The following MICU2 variants were observed in gnomAD, a reference collection of about 807,000 sequenced individuals.
MICU2 encodes the protein mitochondrial calcium uptake 2.
MICU2 carries 64 observed loss-of-function variants against 60.4 expected under a neutral mutation model. That is an observed-to-expected ratio of 1.06 (90% CI 0.87 to 1.31). The LOEUF (loss-of-function observed/expected upper bound fraction) is 1.31, where lower values mean the gene tolerates loss of function less well. Ranked by LOEUF, MICU2 falls within the 50% of genes most tolerant of loss-of-function variation. MICU2 has a pLI of 0.00. For synonymous variants in MICU2, 201 were observed against 175.0 expected (o/e 1.15, Z -1.17); for missense variants, 569 against 531.0 (o/e 1.07, Z -0.70).
rs561801933 is a variant in MICU2, at chr13:21,551,898, G to A, written c.359-12210C>T. Among the ~76,000 whole-genome samples the A allele has an allele frequency of 2.0e-5, 3 of 152,150 alleles. No individual in the cohort carries two copies. The South Asian group carries it at 6.2e-4, about 32-fold the overall frequency. ...GAATAGTGCCGCAGTAAACATACGT[G>A]TGCATGTGTCTTTATAGCAGCATGA... On this transcript the variant is annotated intron_variant, in intron 2 of 11. Transcript: ENST00000382374.
intron 7 of MICU2, among the ~76,000 whole-genome samples, chr13:21,513,139 T>G (rs1274354137): frequency 6.6e-6 from 1 of 152,198 alleles, no homozygotes; most frequent in Non-Finnish European, 1.5e-5. Flanking sequence ...TGTGATTTTT[T>G]TTTTGCAGAT....
chr13:21,587,566 G>C (rs562364626), intron 1 of MICU2, among the ~76,000 whole-genome samples: 1 of 152,186 alleles, frequency 6.6e-6, no homozygotes, highest in Admixed American at 6.5e-5. Flanking sequence ...CTCAATGATA[G>C]GTGAAAATGC....
At chr13:21,536,284 T>G (rs572680168) in intron 4 of MICU2, among the ~76,000 whole-genome samples, 25 of 152,288 alleles carry the variant, frequency 1.6e-4, no homozygotes, top group Admixed American at 1.2e-3. Flanking sequence ...CTTTGTCATA[T>G]TTTTCTTCTC....
intron 8 of MICU2, among the ~76,000 whole-genome samples, chr13:21,503,340 C>T (rs1408951001): frequency 6.6e-6 from 1 of 152,120 alleles, no homozygotes; most frequent in East Asian, 1.9e-4. Context: ...GTAAGTTATA[C>T]CTGGCAACCT....
chr13:21,565,910 T>C (rs1477446631), intron 2 of MICU2, among the ~76,000 whole-genome samples: 1 of 152,210 alleles, frequency 6.6e-6, no homozygotes, highest in Non-Finnish European at 1.5e-5. Flanking sequence ...CATTCATCCC[T>C]GCCAAATACC....
intron 1 of MICU2, among the ~76,000 whole-genome samples, chr13:21,584,548 T>G (rs536413901): frequency 6.6e-5 from 10 of 152,302 alleles, no homozygotes; most frequent in African/African-American, 2.4e-4. Flanking sequence ...TTATAACACC[T>G]TATTTCCTTA....
chr13:21,595,104 C>T (rs1252128591), intron 1 of MICU2, among the ~76,000 whole-genome samples: 1 of 151,970 alleles, frequency 6.6e-6, no homozygotes, highest in African/African-American at 2.4e-5. Flanking sequence ...AAATCTTTAC[C>T]CTGTACCATT....
At chr13:21,589,340 C>T (rs1015132270) in intron 1 of MICU2, among the ~76,000 whole-genome samples, 2 of 152,188 alleles carry the variant, frequency 1.3e-5, no homozygotes, top group African/African-American at 4.8e-5. Flanking sequence ...TACCATACAT[C>T]CGTAGGTTGG....
intron 4 of MICU2, among the ~76,000 whole-genome samples, chr13:21,526,601 G>C (rs953210240): frequency 6.6e-6 from 1 of 151,984 alleles, no homozygotes; most frequent in Non-Finnish European, 1.5e-5. Context: ...AGTTACAAAA[G>C]TTTAGAAAAA....
chr13:21,556,740 C>G (rs535879675), intron 2 of MICU2, among the ~76,000 whole-genome samples: 1 of 151,776 alleles, frequency 6.6e-6, no homozygotes, highest in South Asian at 2.1e-4. Flanking sequence ...TAGCTTATGG[C>G]CTTAATTTGC....
At chr13:21,566,734 A>G in intron 2 of MICU2, 63 bp downstream of exon 2, 1 of 1,364,484 alleles carries the variant, frequency 7.3e-7, no homozygotes, top group Non-Finnish European at 9.9e-7. Flanking sequence ...CAATCCTGAA[A>G]AACAGGTTTT....
chr13:21,514,143 C>A (rs1022138386), intron 7 of MICU2, among the ~76,000 whole-genome samples: 1 of 152,218 alleles, frequency 6.6e-6, no homozygotes, highest in East Asian at 1.9e-4. Context: ...GTATACCCCA[C>A]CACACACCTC....
chr13:21,600,324 C>T (rs1321298539), intron 1 of MICU2, among the ~76,000 whole-genome samples: 1 of 152,226 alleles, frequency 6.6e-6, no homozygotes, highest in Non-Finnish European at 1.5e-5. Context: ...GCCTAGAAAA[C>T]TCTTCCCCTT....
At chr13:21,496,831 G>A (rs1886010945) in intron 9 of MICU2, among the ~76,000 whole-genome samples, 2 of 151,770 alleles carry the variant, frequency 1.3e-5, no homozygotes, top group Admixed American at 6.6e-5. Context: ...GGAGGCGGGC[G>A]GATCACGAGG....
chr13:21,517,157 C>A (rs1333994194), intron 6 of MICU2, among the ~76,000 whole-genome samples: 1 of 152,196 alleles, frequency 6.6e-6, no homozygotes, highest in Admixed American at 6.5e-5. Context: ...GTTTTCAGAT[C>A]TGAATGTTAA....
chr13:21,566,667 C>T, intron 2 of MICU2, 130 bp downstream of exon 2: 1 of 726,976 alleles, frequency 1.4e-6, no homozygotes, highest in Non-Finnish European at 2.2e-6. Flanking sequence ...CAAGAAAAGT[C>T]TAAATAAGCA....
intron 2 of MICU2, among the ~76,000 whole-genome samples, chr13:21,560,388 T>C (rs908453359): frequency 4.6e-5 from 7 of 152,194 alleles, no homozygotes; most frequent in East Asian, 1.9e-4. Context: ...TGATTTATAA[T>C]GCCACCTCTC....
chr13:21,515,351 G>T (rs112987510), intron 6 of MICU2, among the ~76,000 whole-genome samples: 6 of 152,134 alleles, frequency 3.9e-5, no homozygotes, highest in African/African-American at 1.4e-4. Flanking sequence ...CAAAGTGCTG[G>T]GATTATAGGC....
At chr13:21,590,358 A>G (rs939970666) in intron 1 of MICU2, among the ~76,000 whole-genome samples, 1 of 152,228 alleles carries the variant, frequency 6.6e-6, no homozygotes. Flanking sequence ...CCATAAGCGA[A>G]GGAGAAATAA....
Sources: allele counts gnomAD v4.1 joint callset (sites outside exome capture counted in the v4.1 genomes callset), GRCh38; gene constraint gnomAD v4.1.1; transcripts MANE v1.5; gene names NCBI Gene and HGNC (gene_info 2026-07-23, HGNC 2026-07-21).